GRIK4: variants seen among roughly 807,000 people sequenced by gnomAD.
GRIK4 encodes the protein glutamate receptor ionotropic, kainate 4.
A neutral mutation model predicts 104.9 loss-of-function variants in GRIK4; 40 were observed. The observed-to-expected ratio is 0.38, with a 90% CI of 0.30 to 0.50. The LOEUF (loss-of-function observed/expected upper bound fraction) is 0.50. GRIK4 is among the 20% of genes least tolerant of loss of function. GRIK4 has a pLI of 0.93. For synonymous variants in GRIK4, 485 were observed against 524.9 expected (o/e 0.92, Z 1.04); for missense variants, 1,047 against 1,308.1 (o/e 0.80, Z 3.08).
chr11:120,710,997 T>TGG (rs139734821), intron 3 of GRIK4, among the ~76,000 whole-genome samples: 3,029 of 124,638 alleles, frequency 0.024, 332 homozygotes, highest in African/African-American at 0.098. Context: ...CCCTGTGAGG[T>TGG]GGGGAGGGGG....
intron 1 of GRIK4, among the ~76,000 whole-genome samples, chr11:120,630,223 G>A (rs1462123501): frequency 6.6e-6 from 1 of 152,220 alleles, no homozygotes; most frequent in Non-Finnish European, 1.5e-5. Flanking sequence ...AGCCTCTGGG[G>A]CAAGCAGAAG....
In GRIK4 at chr11:120,919,556, C is replaced by T. The variant is rs73578632; in HGVS notation, c.1476+14063C>T. Among the ~76,000 whole-genome samples the T allele has an allele frequency of 1.3e-3, 204 of 152,312 alleles. 1 individual carries two copies. Among genetic ancestry groups the T allele is most frequent in the African/African-American group, 4.7e-3 (196 of 41,558 alleles). ...TGGGGTGGGACTCAACAATTTGCAA[C>T]TTAACAGGCCCTCCAGGTGGTGCTG... On this transcript the variant is annotated intron_variant, in intron 13 of 20. Transcript: ENST00000527524.
rs775182277 is a variant in GRIK4 at position 120,699,227 on chromosome 11, G to A, written c.82+38827G>A. 1.3e-4 allele frequency among the ~76,000 whole-genome samples: 20 copies of A among 152,026 alleles called. No homozygotes were observed. In the East Asian group the frequency reaches 2.1e-3, roughly 16 times the overall value. On this transcript the variant is annotated intron_variant, in intron 3 of 20. Transcript: ENST00000527524. ...GCCTTGATCTCTCTTGGTGGCTCGC[G>A]GTCCCAGCACTACTCCTCCAAAGCC...
At chr11:120,941,316 C>T (rs10892648) in intron 14 of GRIK4, among the ~76,000 whole-genome samples, 8 of 151,950 alleles carry the variant, frequency 5.3e-5, no homozygotes, top group Non-Finnish European at 1.0e-4. Flanking sequence ...GCCTGTACCT[C>T]GAGGCTGCCC....
chr11:120,819,245 C>G lies in GRIK4; in HGVS notation c.346-510C>G, dbSNP rs1953040825. 6.6e-6 allele frequency among the ~76,000 whole-genome samples: 1 copy of G among 152,202 alleles called. No homozygotes were observed. The highest frequency in any genetic ancestry group is 1.5e-5 in the Non-Finnish European group (1 of 68,034). ...CCCACTTCCTCTCCCTGGGCATTCC[C>G]CACTGAAGTTTGTTGGGAGCTGGTT... On this transcript the variant is annotated intron_variant, in intron 5 of 20. Transcript: ENST00000527524. This position sits in a 1 kb window ranked among gnomAD's most constrained non-coding sequence, Gnocchi z 4.3.
intron 11 of GRIK4, among the ~76,000 whole-genome samples, chr11:120,889,589 A>ATTTTTTTTTTTTTT (rs369264259): frequency 9.6e-5 from 6 of 62,496 alleles, no homozygotes; most frequent in East Asian, 5.1e-4. Context: ...AAGAGCTTAC[A>ATTTTTTTTTTTTTT]TTTTTTTTTT....
intron 1 of GRIK4, among the ~76,000 whole-genome samples, chr11:120,614,077 C>T (rs1949073703): frequency 6.6e-6 from 1 of 152,228 alleles, no homozygotes; most frequent in Non-Finnish European, 1.5e-5. Flanking sequence ...TCCTCTCTCG[C>T]TTCCTTCTGT....
At chr11:120,800,381 C>A (rs543114498) in intron 3 of GRIK4, among the ~76,000 whole-genome samples, 1 of 152,194 alleles carries the variant, frequency 6.6e-6, no homozygotes, top group South Asian at 2.1e-4. Context: ...GTTGCAAGGT[C>A]GTCATTCTCT....
chr11:120,851,748 C>A (rs11218031), intron 8 of GRIK4, among the ~76,000 whole-genome samples: 46,019 of 151,682 alleles, frequency 0.3, 8,194 homozygotes, highest in East Asian at 0.48. Flanking sequence ...CTGGTGGCCT[C>A]TGGAACACAG....
In GRIK4 at chr11:120,513,622, G is replaced by T. The variant is rs188836166; in HGVS notation, c.-159+1735G>T. 5.9e-5 allele frequency among the ~76,000 whole-genome samples: 9 copies of T among 152,308 alleles called. No individual in the cohort carries two copies. Among genetic ancestry groups the T allele is most frequent in the Non-Finnish European group, 1.5e-5 (1 of 68,028 alleles). On this transcript the variant is annotated intron_variant, in intron 1 of 20. Coordinates refer to ENST00000527524, the MANE Select transcript of GRIK4 (RefSeq NM_014619.5). This position sits in a 1 kb window ranked among gnomAD's most constrained non-coding sequence, Gnocchi z 4.5. ...TAATCTAATATGCACACATTACAGT[G>T]TCTGGGTTTGTTTAATTTTCCATAT...
chr11:120,949,542 C>T (rs1943948614), intron 14 of GRIK4, among the ~76,000 whole-genome samples: 1 of 152,034 alleles, frequency 6.6e-6, no homozygotes, highest in African/African-American at 2.4e-5. Flanking sequence ...AATACAAATG[C>T]CTATAAATAC....
intron 3 of GRIK4, among the ~76,000 whole-genome samples, chr11:120,665,083 T>C (rs1949889081): frequency 6.6e-6 from 1 of 152,100 alleles, no homozygotes; most frequent in Admixed American, 6.5e-5. Flanking sequence ...ACATAGAACA[T>C]TGAAATGTTA....
At chr11:120,922,052 C>G (rs1382885388) in intron 13 of GRIK4, among the ~76,000 whole-genome samples, 1 of 152,196 alleles carries the variant, frequency 6.6e-6, no homozygotes. Context: ...CACCCAGACT[C>G]CCAACACTGT....
intron 3 of GRIK4, among the ~76,000 whole-genome samples, chr11:120,794,482 G>T (rs751606260): frequency 2.0e-5 from 3 of 151,900 alleles, no homozygotes; most frequent in Non-Finnish European, 4.4e-5. Context: ...ACTCTATTTG[G>T]TGTTGAGGTA....
chr11:120,665,940 C>G (rs1052757966), intron 3 of GRIK4, among the ~76,000 whole-genome samples: 13 of 152,288 alleles, frequency 8.5e-5, no homozygotes, highest in African/African-American at 3.1e-4. Flanking sequence ...GATGTTTATT[C>G]TCTCTTTTGC....
At chr11:120,824,144 C>T (rs1331061450) in intron 6 of GRIK4, among the ~76,000 whole-genome samples, 1 of 152,218 alleles carries the variant, frequency 6.6e-6, no homozygotes, top group Non-Finnish European at 1.5e-5. Context: ...AATCATGCCA[C>T]TTACTCTCTT....
At chr11:120,866,781 G>A (rs114148291) in intron 9 of GRIK4, among the ~76,000 whole-genome samples, 5,169 of 152,264 alleles carry the variant, frequency 0.034, 270 homozygotes, top group African/African-American at 0.12. Context: ...CTTTCTCTCA[G>A]CCAAGCCCCT....
chr11:120,798,194 C>T (rs1237527826), intron 3 of GRIK4, among the ~76,000 whole-genome samples: 1 of 105,768 alleles, frequency 9.5e-6, no homozygotes, highest in East Asian at 3.4e-4. Context: ...GAGATGGAGT[C>T]TTGCCCTGTT....
At chr11:120,841,527 G>A (rs1023649975) in intron 8 of GRIK4, among the ~76,000 whole-genome samples, 1 of 152,180 alleles carries the variant, frequency 6.6e-6, no homozygotes, top group African/African-American at 2.4e-5. Context: ...CGATGGACAC[G>A]TGGGTCGCCT....
Sources: gnomAD v4.1 joint callset for allele counts (sites outside exome capture counted in the v4.1 genomes callset) on GRCh38, gnomAD v4.1.1 for gene constraint, Gnocchi (gnomAD v3.1) non-coding constraint, MANE v1.5 for transcripts, NCBI Gene and HGNC (gene_info 2026-07-23, HGNC 2026-07-21) for gene names.